The following TTC39C variants were observed in gnomAD, a reference collection of about 807,000 sequenced individuals.
The protein encoded by TTC39C is tetratricopeptide repeat protein 39C.
A neutral mutation model predicts 76.3 loss-of-function variants in TTC39C; 33 were observed. The observed-to-expected ratio is 0.43, with a 90% CI of 0.33 to 0.58. TTC39C has a LOEUF of 0.58. TTC39C is among the 20% of genes least tolerant of loss of function. The probability of loss-of-function intolerance (pLI) is 0.04; values close to 1 mark genes in which losing one functional copy is unlikely to be tolerated. For missense variants in TTC39C, 595 were observed against 701.4 expected (o/e 0.85, Z 1.71); for synonymous variants, 254 against 260.6 (o/e 0.97, Z 0.24).
Position 24,031,154 on chromosome 18 carries a change from C to T in TTC39C, c.167+16116C>T, listed in dbSNP as rs565346198. ...TTTTTTTTAAGTAGAGCTGGGGTTT[C>T]GCCATGTTGGCCAGGCTGGTCTCGA... is the stretch of plus-strand genomic sequence containing the variant. On this transcript the variant is annotated intron_variant, in intron 1 of 13. Transcript: ENST00000317571. 1.5e-4 allele frequency among the ~76,000 whole-genome samples: 22 copies of T among 150,662 alleles called. No homozygotes were observed. In the South Asian group the frequency reaches 1.9e-3, roughly 13 times the overall value.
chr18:24,014,992 C>T lies in TTC39C; in HGVS notation c.121C>T (p.Leu41Phe), dbSNP rs1269085519. 1.3e-6 allele frequency: 2 copies of T among 1,527,206 alleles called. No individual in the cohort carries two copies. The highest frequency in any genetic ancestry group is 2.1e-5 in the Admixed American group (1 of 47,424). 94.6% of individuals were successfully genotyped at this position (1,527,206 alleles called of 1,614,324 possible). Residue 41 changes from leucine to phenylalanine, a missense_variant, in exon 1 of 14, where the codon CTC becomes TTC. Physicochemically the swap from Leu to Phe is conservative, Grantham distance 22 (BLOSUM62 0). Transcript: ENST00000317571. Reference protein sequence around the residue: ...ELALAGINMLLNNGFRESDQL... With the variant: ...ELALAGINMLFNNGFRESDQL... ...GGCCCTGGCCGGCATCAACATGCTG[C>T]TCAACAACGGCTTCAGGGAGTCGGA... is the stretch of plus-strand genomic sequence containing the variant.
At chr18:24,018,520 A>G (rs762825704) in intron 1 of TTC39C, among the ~76,000 whole-genome samples, 21 of 152,278 alleles carry the variant, frequency 1.4e-4, no homozygotes, top group African/African-American at 2.9e-4. Context: ...CGGTGCTGCA[A>G]TGTAGGTGTA....
At chr18:24,059,252 T>C (rs1599284049) in intron 1 of TTC39C, among the ~76,000 whole-genome samples, 1 of 152,184 alleles carries the variant, frequency 6.6e-6, no homozygotes, top group Admixed American at 6.5e-5. Flanking sequence ...ACATGTGCAG[T>C]TTTGTTACAT....
At chr18:24,116,615 T>C (rs888315775) in intron 7 of TTC39C, among the ~76,000 whole-genome samples, 1 of 152,084 alleles carries the variant, frequency 6.6e-6, no homozygotes, top group African/African-American at 2.4e-5. Flanking sequence ...ACAGTGAATT[T>C]TCTGAAGTGT....
chr18:23,997,252 A>G (rs1420212044), intron 1 of TTC39C, among the ~76,000 whole-genome samples: 1 of 151,804 alleles, frequency 6.6e-6, no homozygotes, highest in East Asian at 2.0e-4. Context: ...CCCTGTCTCT[A>G]AAAAGAAAAA....
intron 1 of TTC39C, among the ~76,000 whole-genome samples, chr18:24,005,069 G>A (rs2083341996): frequency 6.6e-6 from 1 of 152,212 alleles, no homozygotes; most frequent in Non-Finnish European, 1.5e-5. Flanking sequence ...TCATAAGCGT[G>A]TGTGTGAATG....
chr18:24,090,685 C>T (rs2084505719), intron 6 of TTC39C, among the ~76,000 whole-genome samples: 1 of 151,820 alleles, frequency 6.6e-6, no homozygotes, highest in African/African-American at 2.4e-5. Context: ...AACTCCACTT[C>T]CTACTCTCAA....
chr18:24,048,385 T>A lies in TTC39C; in HGVS notation c.168-15755T>A, dbSNP rs182422233. On this transcript the variant is annotated intron_variant, in intron 1 of 13. Coordinates refer to ENST00000317571, the MANE Select transcript of TTC39C (RefSeq NM_001135993.2). ...TGAACTGATTTTGTTAAAATTTAAA[T>A]TTTAAATACCCTATTTCTGACTTCT... Among the ~76,000 whole-genome samples, 8 of 152,358 alleles carry A rather than the reference T, an allele frequency of 5.3e-5. No homozygotes were observed. The East Asian group carries it at 1.3e-3, about 26-fold the overall frequency.
chr18:24,069,823 G>A (rs1483361163), intron 4 of TTC39C, among the ~76,000 whole-genome samples: 3 of 152,150 alleles, frequency 2.0e-5, no homozygotes, highest in Non-Finnish European at 4.4e-5. Flanking sequence ...TTTCTTGAGT[G>A]AAATAGACTC....
rs1568449799 is a variant in TTC39C at position 24,132,600 on chromosome 18, C to G, written c.*26C>G. On this transcript the variant is annotated 3_prime_UTR_variant, in exon 14 of 14. Coordinates refer to ENST00000317571, the MANE Select transcript of TTC39C (RefSeq NM_001135993.2). The stretch of plus-strand genomic sequence containing the variant: ...CAGACCCGGAACACCCGCTCCGTCC[C>G]TCCCCACCCAGGGTCCGCACTTTAA... 3.1e-6 allele frequency: 5 copies of G among 1,594,050 alleles called. No individual in the cohort carries two copies. The East Asian group carries it at 1.1e-4, about 36-fold the overall frequency.
At chr18:24,118,358 T>C (rs2084922657) in intron 8 of TTC39C, 126 bp downstream of exon 8, 2 of 653,954 alleles carry the variant, frequency 3.1e-6, no homozygotes, top group African/African-American at 1.8e-5. Flanking sequence ...TTCCCCAGCA[T>C]GTTAATGTTT....
intron 6 of TTC39C, among the ~76,000 whole-genome samples, chr18:24,103,299 T>C (rs1391183970): frequency 6.6e-6 from 1 of 152,266 alleles, no homozygotes; most frequent in Non-Finnish European, 1.5e-5. Flanking sequence ...TGAGTATTAT[T>C]GACTATAATT....
intron 1 of TTC39C, among the ~76,000 whole-genome samples, chr18:23,997,661 A>AGAAAGAAAGAAAGAAG (rs2083275950): frequency 6.5e-5 from 6 of 92,290 alleles, no homozygotes; most frequent in Admixed American, 5.7e-4. Context: ...GGAGAAAGAA[A>AGAAAGAAAGAAAGAAG]GAAAGAAAGA....
intron 1 of TTC39C, among the ~76,000 whole-genome samples, chr18:24,048,290 A>G (rs1162220924): frequency 1.3e-5 from 2 of 152,272 alleles, no homozygotes; most frequent in Admixed American, 1.3e-4. Context: ...AAGTTTTGCC[A>G]TTTTGAAATA....
intron 1 of TTC39C, among the ~76,000 whole-genome samples, chr18:24,009,358 C>T (rs2083378726): frequency 6.6e-6 from 1 of 152,178 alleles, no homozygotes; most frequent in South Asian, 2.1e-4. Flanking sequence ...ACTCAGTAGA[C>T]ACATGTCTTG....
intron 1 of TTC39C, among the ~76,000 whole-genome samples, chr18:24,037,416 C>T (rs1451241287): frequency 6.6e-6 from 1 of 152,204 alleles, no homozygotes; most frequent in Non-Finnish European, 1.5e-5. Flanking sequence ...AGTAGGTACT[C>T]AGTCAATGAT....
intron 5 of TTC39C, among the ~76,000 whole-genome samples, chr18:24,082,003 T>G (rs1414861579): frequency 6.6e-6 from 1 of 151,534 alleles, no homozygotes; most frequent in Non-Finnish European, 1.5e-5. Flanking sequence ...TAAACATTTT[T>G]GTCTGGCTGT....
In TTC39C at chr18:24,038,530, G is replaced by A. The variant is rs978486110; in HGVS notation, c.167+23492G>A. Among the ~76,000 whole-genome samples, 11 of 152,192 alleles carry A rather than the reference G, an allele frequency of 7.2e-5. No homozygotes were observed. In the South Asian group the frequency reaches 8.3e-4, roughly 11 times the overall value. ...ACTCCTGGGCTCAAGCAATCCGTCC[G>A]CCTTGGCCTCCCAAAGTGCTGGGAT... On this transcript the variant is annotated intron_variant, in intron 1 of 13. Coordinates refer to ENST00000317571, the MANE Select transcript of TTC39C (RefSeq NM_001135993.2).
rs372754725 is a variant in TTC39C at position 24,038,651 on chromosome 18, T to C, written c.167+23613T>C. The stretch of plus-strand genomic sequence containing the variant: ...AATAAAAACAGTCATATTGGTCCAC[T>C]TAGGCTGCCATAACAAGACACCAAA... On this transcript the variant is annotated intron_variant, in intron 1 of 13. Coordinates refer to ENST00000317571, the MANE Select transcript of TTC39C (RefSeq NM_001135993.2). 6.3e-4 allele frequency among the ~76,000 whole-genome samples: 96 copies of C among 152,290 alleles called. 2 individuals are homozygous for C. In the South Asian group the frequency reaches 0.02, roughly 31 times the overall value.
Sources: gnomAD v4.1 joint callset for allele counts (sites outside exome capture counted in the v4.1 genomes callset) on GRCh38, gnomAD v4.1.1 for gene constraint, MANE v1.5 for transcripts, NCBI Gene and HGNC (gene_info 2026-07-23, HGNC 2026-07-21) for gene names.